PIERCE2: variants seen among roughly 807,000 people sequenced by gnomAD.
PIERCE2 encodes piercer of microtubule wall 2 protein.
chr15:55,410,856 A>T, the PIERCE2 span: 2 of 152,214 alleles, frequency 1.3e-5, no homozygotes, highest in Non-Finnish European at 2.9e-5. Context: ...AGAAAATTTA[A>T]GAAAAGCTGA....
the PIERCE2 span, chr15:55,418,729 T>G: frequency 3.7e-6 from 2 of 535,288 alleles, no homozygotes; most frequent in South Asian, 3.5e-5. Context: ...GACAGTGACT[T>G]TTTAAATGAA....
At chr15:55,417,779 A>T in the PIERCE2 span, 1 of 203,540 alleles carries the variant, frequency 4.9e-6, no homozygotes, top group South Asian at 1.1e-4. Context: ...AAAGCTTTTT[A>T]ATCACCTGGG....
At chr15:55,411,738 A>G in the PIERCE2 span, among the ~76,000 whole-genome samples, 12 of 152,086 alleles carry the variant, frequency 7.9e-5, no homozygotes, top group Admixed American at 2.0e-4. Context: ...CCTGACTAAC[A>G]TGGAGAAACC....
chr15:55,413,176 G>A, the PIERCE2 span, among the ~76,000 whole-genome samples: 1 of 151,604 alleles, frequency 6.6e-6, no homozygotes, highest in Non-Finnish European at 1.5e-5. Flanking sequence ...GCTGAGGCAG[G>A]AGAATGGCGT....
At chr15:55,410,860 A>G in the PIERCE2 span, 21 of 152,146 alleles carry the variant, frequency 1.4e-4, no homozygotes, top group Admixed American at 9.2e-4. Context: ...AATTTAAGAA[A>G]AGCTGATCAG....
the PIERCE2 span, chr15:55,408,658 G>A: frequency 5.9e-6 from 4 of 674,286 alleles, no homozygotes; most frequent in Non-Finnish European, 7.9e-6. Flanking sequence ...TCTGTTTGCT[G>A]CTTTAATTGG....
At chr15:55,412,229 T>C in the PIERCE2 span, among the ~76,000 whole-genome samples, 1 of 151,876 alleles carries the variant, frequency 6.6e-6, no homozygotes, top group Non-Finnish European at 1.5e-5. Context: ...ACAGATAATA[T>C]ACAAATAAAG....
At chr15:55,414,108 A>T in the PIERCE2 span, among the ~76,000 whole-genome samples, 2 of 151,658 alleles carry the variant, frequency 1.3e-5, no homozygotes, top group Admixed American at 1.3e-4. Flanking sequence ...CGCGTTAGCC[A>T]GGATGGTCTG....
At chr15:55,413,136 C>T in the PIERCE2 span, among the ~76,000 whole-genome samples, 1 of 152,100 alleles carries the variant, frequency 6.6e-6, no homozygotes, top group Non-Finnish European at 1.5e-5. Flanking sequence ...GGCACGGTGG[C>T]TGGCGCCTGT....
At chr15:55,417,920 C>CACA in the PIERCE2 span, 1 of 501,836 alleles carries the variant, frequency 2.0e-6, no homozygotes, top group Non-Finnish European at 3.5e-6. Context: ...GGGCAGGGGT[C>CACA]ACAAGGTGCT....
At chr15:55,408,502 A>G in the PIERCE2 span, 1 of 332,644 alleles carries the variant, frequency 3.0e-6, no homozygotes, top group Non-Finnish European at 5.4e-6. Context: ...GCAGATCCCC[A>G]CAACATCCGG....
the PIERCE2 span, among the ~76,000 whole-genome samples, chr15:55,411,552 G>A: frequency 3.3e-5 from 5 of 152,200 alleles, no homozygotes; most frequent in Middle Eastern, 3.4e-3. Context: ...TTGGGAAGCC[G>A]AGGCAGGTGG....
the PIERCE2 span, among the ~76,000 whole-genome samples, chr15:55,409,163 T>A: frequency 1.3e-5 from 2 of 152,188 alleles, no homozygotes; most frequent in Non-Finnish European, 2.9e-5. Context: ...CCCAGCAATT[T>A]GGGAGGCCGA....
the PIERCE2 span, chr15:55,418,488 G>A: frequency 6.5e-7 from 1 of 1,528,714 alleles, no homozygotes; most frequent in South Asian, 1.2e-5. Flanking sequence ...AGAGCAACTG[G>A]ATTTTATCAA....
chr15:55,416,686 C>T, the PIERCE2 span, among the ~76,000 whole-genome samples: 7 of 152,052 alleles, frequency 4.6e-5, no homozygotes, highest in Non-Finnish European at 5.9e-5. Context: ...AGGCTGGGCG[C>T]GGTGGCTCAC....
the PIERCE2 span, chr15:55,418,135 T>C: frequency 6.4e-7 from 1 of 1,573,870 alleles, no homozygotes; most frequent in Non-Finnish European, 8.6e-7. Context: ...ACAGAATTCC[T>C]GAAAAAGGGA....
At chr15:55,415,135 A>G in the PIERCE2 span, among the ~76,000 whole-genome samples, 1 of 152,082 alleles carries the variant, frequency 6.6e-6, no homozygotes, top group Non-Finnish European at 1.5e-5. Flanking sequence ...TTGTAGCAGG[A>G]CAAGCCGCAG....
chr15:55,411,415 G>T, the PIERCE2 span, among the ~76,000 whole-genome samples: 1 of 152,106 alleles, frequency 6.6e-6, no homozygotes, highest in Non-Finnish European at 1.5e-5. Context: ...AATGAGCTGC[G>T]ACTGCGCCAC....
the PIERCE2 span, among the ~76,000 whole-genome samples, chr15:55,417,302 TTCTA>T: frequency 1.3e-5 from 2 of 152,300 alleles, no homozygotes; most frequent in Middle Eastern, 3.4e-3. Context: ...TTGTCCCCAC[TTCTA>T]TCTTTTACTT....
Sources: gnomAD v4.1 joint callset for allele counts (sites outside exome capture counted in the v4.1 genomes callset) on GRCh38, gnomAD v4.1.1 for gene constraint, MANE v1.5 for transcripts, NCBI Gene and HGNC (gene_info 2026-07-23, HGNC 2026-07-21) for gene names.